P4HA3: variants seen among roughly 807,000 people sequenced by gnomAD.
The protein encoded by P4HA3 is prolyl 4-hydroxylase subunit alpha 3.
In P4HA3, 60 loss-of-function variants were observed where a neutral mutation model predicts 66.7. The observed-to-expected ratio is 0.90, with a 90% CI of 0.73 to 1.12. The LOEUF (loss-of-function observed/expected upper bound fraction) is 1.12. Ranked by LOEUF, P4HA3 falls within the 50% of genes most tolerant of loss-of-function variation. P4HA3 has a pLI of 0.00. For synonymous variants in P4HA3, 263 were observed against 274.6 expected (o/e 0.96, Z 0.42); for missense variants, 683 against 685.8 (o/e 1.00, Z 0.05).
At chr11:74,262,708 T>G (rs1591081865), downstream of P4HA3, among the ~76,000 whole-genome samples, 1 of 152,324 alleles carries the variant, frequency 6.6e-6, no homozygotes. Context: ...GATTTCATAG[T>G]TCTACTGAGT....
At chr11:74,259,127 G>A (rs775881949) in intron 15 of P4HA3, among the ~76,000 whole-genome samples, 4 of 152,192 alleles carry the variant, frequency 2.6e-5, no homozygotes, top group Non-Finnish European at 5.9e-5. Flanking sequence ...GGCTGGGCAC[G>A]GTGGCTCACG....
intron 4 of P4HA3, among the ~76,000 whole-genome samples, chr11:74,292,365 T>A (rs1861060418): frequency 6.6e-6 from 1 of 152,244 alleles, no homozygotes; most frequent in African/African-American, 2.4e-5. Flanking sequence ...GCTAGCGGTC[T>A]ATCAATTTTG....
intron 4 of P4HA3, among the ~76,000 whole-genome samples, chr11:74,294,397 C>T (rs1246659438): frequency 6.6e-6 from 1 of 152,026 alleles, no homozygotes; most frequent in Non-Finnish European, 1.5e-5. Context: ...TTCGAATTTC[C>T]TCCTGTAGCT....
intron 7 of P4HA3, among the ~76,000 whole-genome samples, chr11:74,283,712 C>T (rs1018141598): frequency 6.6e-6 from 1 of 152,240 alleles, no homozygotes; most frequent in African/African-American, 2.4e-5. Context: ...GAACATACCA[C>T]ATATCAGGCC....
At chr11:74,302,715 T>A in intron 2 of P4HA3, 123 bp from the exon 3 acceptor site, 1 of 904,966 alleles carries the variant, frequency 1.1e-6, no homozygotes, top group Non-Finnish European at 1.6e-6. Context: ...GTCTTTGTGT[T>A]CCCAGAGGCA....
In P4HA3 at chr11:74,273,583, T is replaced by C; in HGVS notation, c.1360A>G (p.Met454Val). Reference sequence around the variant, plus strand: ...GTTGCAACTCGGTTTCCTGACTTCATTCTGTAGAGGGGGCTGCTTGGTGAC... The same window carrying C: ...GTTGCAACTCGGTTTCCTGACTTCACTCTGTAGAGGGGGCTGCTTGGTGAC... ...ATSPSSPLYR[M>V]KSGNRVATFM... The change falls in exon 10 of 13, where the codon ATG becomes GTG. Residue 454 changes from methionine to valine, a missense_variant. Met to Val is a conservative substitution (Grantham distance 21). Transcript: ENST00000331597. The C allele has an allele frequency of 6.4e-7, 1 of 1,570,140 alleles. No individual in the cohort carries two copies. The highest frequency in any genetic ancestry group is 8.6e-7 in the Non-Finnish European group (1 of 1,161,372).
chr11:74,301,093 C>T (rs78163533), intron 3 of P4HA3, among the ~76,000 whole-genome samples: 6,043 of 151,562 alleles, frequency 0.04, 127 homozygotes, highest in Middle Eastern at 0.1. Flanking sequence ...TGGGGGGTGG[C>T]GAGGAGGATG....
chr11:74,276,088 G>T (rs1033880149), intron 9 of P4HA3, among the ~76,000 whole-genome samples: 1 of 152,096 alleles, frequency 6.6e-6, no homozygotes, highest in Non-Finnish European at 1.5e-5. Context: ...CTTATAAGTG[G>T]GGGCTAAACA....
In P4HA3 at chr11:74,302,307, A is replaced by C. The variant is rs890935916; in HGVS notation, c.567+62T>G. ...AAAAAGAAGTAAAATCAATCGGTAC[A>C]TAGTTATTTTATCCATAAGAAACCA... is the stretch of plus-strand genomic sequence containing the variant. On this transcript the variant is annotated intron_variant, in intron 3 of 12. Coordinates refer to ENST00000331597, the MANE Select transcript of P4HA3 (RefSeq NM_182904.5). The C allele has an allele frequency of 2.1e-6, 3 of 1,395,530 alleles. No individual in the cohort carries two copies. In the African/African-American group the frequency reaches 4.3e-5, roughly 20 times the overall value. 86.4% of individuals were successfully genotyped at this position (1,395,530 alleles called of 1,614,324 possible).
chr11:74,269,592 G>A (rs1370172748), intron 11 of P4HA3, 60 bp downstream of exon 11: 1 of 1,539,904 alleles, frequency 6.5e-7, no homozygotes, highest in Admixed American at 1.8e-5. Context: ...CAGCGTGAAG[G>A]TTAGAGGGTA....
chr11:74,252,849 T>C (rs1859738791), intron 15 of P4HA3, among the ~76,000 whole-genome samples: 1 of 152,120 alleles, frequency 6.6e-6, no homozygotes, highest in African/African-American at 2.4e-5. Flanking sequence ...GGGCTCTTTG[T>C]TGAGGAAGAA....
chr11:74,289,356 A>G (rs1860923651), intron 4 of P4HA3, among the ~76,000 whole-genome samples: 1 of 152,168 alleles, frequency 6.6e-6, no homozygotes, highest in Non-Finnish European at 1.5e-5. Flanking sequence ...GACCACCCTT[A>G]CCGGGCAAGG....
chr11:74,260,949 G>A (rs1453035707), intron 14 of P4HA3, among the ~76,000 whole-genome samples: 1 of 152,110 alleles, frequency 6.6e-6, no homozygotes, highest in African/African-American at 2.4e-5. Context: ...CCAGCTACTT[G>A]CCAACTGGGG....
intron 9 of P4HA3, among the ~76,000 whole-genome samples, chr11:74,276,655 G>A (rs1158010360): frequency 1.3e-5 from 2 of 152,176 alleles, no homozygotes; most frequent in Non-Finnish European, 2.9e-5. Flanking sequence ...TATCAGCAAA[G>A]ATGGCCAGTT....
chr11:74,285,776 G>A (rs1487725306), intron 7 of P4HA3, 33 bp downstream of exon 7: 2 of 1,599,384 alleles, frequency 1.3e-6, no homozygotes, highest in Non-Finnish European at 1.7e-6. Context: ...GAAGATGAAA[G>A]AGAAATTCTT....
intron 1 of P4HA3, among the ~76,000 whole-genome samples, chr11:74,309,862 G>A (rs1035126578): frequency 6.6e-6 from 1 of 152,058 alleles, no homozygotes; most frequent in African/African-American, 2.4e-5. Flanking sequence ...AAGATCTCTC[G>A]CAAATACTTT....
At chr11:74,263,893 C>T (rs766000655), downstream of P4HA3, among the ~76,000 whole-genome samples, 10 of 152,020 alleles carry the variant, frequency 6.6e-5, no homozygotes, top group South Asian at 2.1e-4. Context: ...GAGGCTGAGG[C>T]GGGAGGATCA....
At chr11:74,251,047 G>A (rs1434942328) in intron 15 of P4HA3, 1 of 1,570,470 alleles carries the variant, frequency 6.4e-7, no homozygotes, top group Non-Finnish European at 8.6e-7. Context: ...GACTGTAAAA[G>A]GACAACTGTG....
At chr11:74,300,807 AG>A (rs1450155995) in intron 3 of P4HA3, among the ~76,000 whole-genome samples, 1 of 152,226 alleles carries the variant, frequency 6.6e-6, no homozygotes, top group Non-Finnish European at 1.5e-5. Context: ...TGTCCATAGA[AG>A]GACATAAAAG....
Sources: gnomAD v4.1 joint callset for allele counts (sites outside exome capture counted in the v4.1 genomes callset) on GRCh38, gnomAD v4.1.1 for gene constraint, MANE v1.5 for transcripts, NCBI Gene and HGNC (gene_info 2026-07-23, HGNC 2026-07-21) for gene names.